The following AGPAT4 variants were observed in gnomAD, a reference collection of about 807,000 sequenced individuals.
AGPAT4 encodes the protein 1-acylglycerol-3-phosphate O-acyltransferase 4.
AGPAT4 carries 15 observed loss-of-function variants against 48.0 expected under a neutral mutation model. The ratio of observed to expected loss-of-function variants is 0.31; its 90% CI spans 0.21 to 0.48. The LOEUF is 0.48. AGPAT4 is among the 20% of genes least tolerant of loss of function. The pLI, the probability that AGPAT4 is intolerant of heterozygous loss-of-function variation, is 0.99. For synonymous variants in AGPAT4, 178 were observed against 198.7 expected (o/e 0.90, Z 0.88); for missense variants, 314 against 482.5 (o/e 0.65, Z 3.27).
chr6:161,131,510 C>T lies in AGPAT4; in HGVS notation c.*5030G>A, dbSNP rs1038332764. The T allele has an allele frequency of 2.0e-5, 3 of 152,816 alleles. No individual in the cohort carries two copies. The highest frequency in any genetic ancestry group is 4.4e-5 in the Non-Finnish European group (3 of 68,556). The allele number at this position is 152,816 out of a possible 1,614,324, so 9.5% of individuals were successfully genotyped here. On this transcript the variant is annotated 3_prime_UTR_variant, in exon 9 of 9. Coordinates refer to ENST00000320285, the MANE Select transcript of AGPAT4 (RefSeq NM_020133.3). ...GGGAAGCAGAAGCTAATTGAAATTCCATTACTCAGGCCTCTAGTAAGTGCC... is the reference window on the plus strand; with the variant it reads ...GGGAAGCAGAAGCTAATTGAAATTCTATTACTCAGGCCTCTAGTAAGTGCC...
rs944995307 is a variant in AGPAT4 at position 161,165,567 on chromosome 6, T to A, written c.348+681A>T. ...TGTACACTGTGTACACTGTGATTCC[T>A]ACGGAATACCTGAGTACCGCAGATG... On this transcript the variant is annotated intron_variant, in intron 3 of 8. Transcript: ENST00000320285. The surrounding 1 kb of genome is among the most constrained non-coding windows in gnomAD (Gnocchi z 5.5). 1 of 1,289,940 alleles carries A rather than the reference T, an allele frequency of 7.8e-7. No individual in the cohort carries two copies. The highest frequency in any genetic ancestry group is 1.0e-6 in the Non-Finnish European group (1 of 983,732). 79.9% of individuals were successfully genotyped at this position (1,289,940 alleles called of 1,614,324 possible). A position where few individuals can be genotyped will look rare whatever the true frequency, so the allele number is the denominator to read the frequency against.
rs1782267427 is a variant in AGPAT4, at chr6:161,236,180, C to T, written c.-89-3878G>A. Among the ~76,000 whole-genome samples the T allele has an allele frequency of 6.6e-6, 1 of 151,958 alleles. No homozygotes were observed. Among genetic ancestry groups the T allele is most frequent in the Non-Finnish European group, 1.5e-5 (1 of 68,026 alleles). On this transcript the variant is annotated intron_variant, in intron 1 of 8. Coordinates refer to ENST00000320285, the MANE Select transcript of AGPAT4 (RefSeq NM_020133.3). This position sits in a 1 kb window ranked among gnomAD's most constrained non-coding sequence, Gnocchi z 5.0. ...CATGAGGCAAGAATATGACAAAGAA[C>T]TTATGCTGTTTCTGAGCATATCAGA...
chr6:161,258,798 A>T (rs74298743), intron 1 of AGPAT4, among the ~76,000 whole-genome samples: 2 of 144,306 alleles, frequency 1.4e-5, no homozygotes, highest in Non-Finnish European at 3.1e-5. Context: ...CAAGCATTTA[A>T]TTTTTTTTTT....
intron 1 of AGPAT4, among the ~76,000 whole-genome samples, chr6:161,250,454 A>G (rs1782776338): frequency 1.3e-5 from 2 of 152,286 alleles, no homozygotes; most frequent in East Asian, 3.9e-4. Context: ...TAGAATATAA[A>G]TATCCTTCTC....
chr6:161,259,661 C>A lies in AGPAT4; in HGVS notation c.-90+14277G>T, dbSNP rs966477448. Among the ~76,000 whole-genome samples, 4 of 152,104 alleles carry A rather than the reference C, an allele frequency of 2.6e-5. No homozygotes were observed. Among genetic ancestry groups the A allele is most frequent in the Non-Finnish European group, 2.9e-5 (2 of 68,014 alleles). On this transcript the variant is annotated intron_variant, in intron 1 of 8. Coordinates refer to ENST00000320285, the MANE Select transcript of AGPAT4 (RefSeq NM_020133.3). This position sits in a 1 kb window ranked among gnomAD's most constrained non-coding sequence, Gnocchi z 4.9. ...TTCAACAAGGGAGAGCAGAGCCTTA[C>A]CCCAACTGTGGGGTCCCAGGTCACC...
chr6:161,220,272 T>C lies in AGPAT4; in HGVS notation c.178+11764A>G, dbSNP rs1445615396. On this transcript the variant is annotated intron_variant, in intron 2 of 8. Coordinates refer to ENST00000320285, the MANE Select transcript of AGPAT4 (RefSeq NM_020133.3). The surrounding 1 kb of genome is among the most constrained non-coding windows in gnomAD (Gnocchi z 6.0). ...TTTCTCCTAAATAAACAAAAATGTG[T>C]TGGCATGAAGGGTTCATTTTGGAAT... Among the ~76,000 whole-genome samples, 5 of 152,186 alleles carry C rather than the reference T, an allele frequency of 3.3e-5. No individual in the cohort carries two copies. Among genetic ancestry groups the C allele is most frequent in the Non-Finnish European group, 5.9e-5 (4 of 68,034 alleles).
At chr6:161,192,838 T>G (rs1397793939) in intron 2 of AGPAT4, among the ~76,000 whole-genome samples, 3 of 152,208 alleles carry the variant, frequency 2.0e-5, no homozygotes, top group Non-Finnish European at 4.4e-5. Context: ...TACGATTGCA[T>G]CATCTTCTGG....
chr6:161,154,437 A>G lies in AGPAT4; in HGVS notation c.349-127T>C. ...ACCAGACGCCTCGGGACAGTCCCAG[A>G]ACACATGCTGTCGAGGCCATGGACC... On this transcript the variant is annotated intron_variant, in intron 3 of 8. Transcript: ENST00000320285. The surrounding 1 kb of genome is among the most constrained non-coding windows in gnomAD (Gnocchi z 7.8). 2.8e-6 allele frequency: 3 copies of G among 1,078,720 alleles called. No individual in the cohort carries two copies. The South Asian group carries it at 4.7e-5, about 17-fold the overall frequency. 66.8% of individuals were successfully genotyped at this position (1,078,720 alleles called of 1,614,324 possible). A position where few individuals can be genotyped will look rare whatever the true frequency, so the allele number is the denominator to read the frequency against.
In AGPAT4 at chr6:161,235,462, A is replaced by C. The variant is rs1318370849; in HGVS notation, c.-89-3160T>G. Among the ~76,000 whole-genome samples the C allele has an allele frequency of 6.6e-6, 1 of 152,236 alleles. No individual in the cohort carries two copies. Among genetic ancestry groups the C allele is most frequent in the East Asian group, 1.9e-4 (1 of 5,198 alleles). On this transcript the variant is annotated intron_variant, in intron 1 of 8. Coordinates refer to ENST00000320285, the MANE Select transcript of AGPAT4 (RefSeq NM_020133.3). The surrounding 1 kb of genome is among the most constrained non-coding windows in gnomAD (Gnocchi z 6.2). ...TATGTAGGGGTGTGTCTGGAGGACA[A>C]ATGTGTGACATACGTCTTAAGTTCA... is the stretch of plus-strand genomic sequence containing the variant.
In AGPAT4 at chr6:161,238,675, C is replaced by A. The variant is rs1030661312; in HGVS notation, c.-89-6373G>T. Among the ~76,000 whole-genome samples, 17 of 152,174 alleles carry A rather than the reference C, an allele frequency of 1.1e-4. No homozygotes were observed. The highest frequency in any genetic ancestry group is 2.4e-4 in the Non-Finnish European group (16 of 68,034). ...GTGATAGGGTTTGGCTGTGTCTCCACCCAAATCTTACCTTGAATTGTAGTT... is the reference window on the plus strand; with the variant it reads ...GTGATAGGGTTTGGCTGTGTCTCCAACCAAATCTTACCTTGAATTGTAGTT... On this transcript the variant is annotated intron_variant, in intron 1 of 8. Transcript: ENST00000320285. The surrounding 1 kb of genome is among the most constrained non-coding windows in gnomAD (Gnocchi z 5.2).
At chr6:161,205,132 T>A (rs1781346040) in intron 2 of AGPAT4, among the ~76,000 whole-genome samples, 1 of 152,128 alleles carries the variant, frequency 6.6e-6, no homozygotes, top group African/African-American at 2.4e-5. Context: ...AAACACATCA[T>A]GATTCTCTGG....
Position 161,231,660 on chromosome 6 carries a change from A to G in AGPAT4, c.178+376T>C, listed in dbSNP as rs974053121. ...AAAAAATACGTATGTATATGTATCT[A>G]TATAGATATATACACAGAAAGACGC... On this transcript the variant is annotated intron_variant, in intron 2 of 8. Transcript: ENST00000320285. The surrounding 1 kb of genome is among the most constrained non-coding windows in gnomAD (Gnocchi z 5.3). Among the ~76,000 whole-genome samples the G allele has an allele frequency of 9.2e-5, 14 of 152,372 alleles. No individual in the cohort carries two copies. In the East Asian group the frequency reaches 1.3e-3, roughly 15 times the overall value.
In AGPAT4 at chr6:161,154,405, C is replaced by G; in HGVS notation, c.349-95G>C. On this transcript the variant is annotated intron_variant, in intron 3 of 8. Transcript: ENST00000320285. This position sits in a 1 kb window ranked among gnomAD's most constrained non-coding sequence, Gnocchi z 7.8. ...ACTGAAGTAGAAAAAGAGGAGGGGA[C>G]GTTCACACCAGACGCCTCGGGACAG... The G allele has an allele frequency of 6.9e-7, 1 of 1,449,476 alleles. No individual in the cohort carries two copies. The highest frequency in any genetic ancestry group is 9.5e-7 in the Non-Finnish European group (1 of 1,057,612). The allele number at this position is 1,449,476 out of a possible 1,614,324, so 89.8% of individuals were successfully genotyped here. A position where few individuals can be genotyped will look rare whatever the true frequency, so the allele number is the denominator to read the frequency against.
rs1782921086 is a variant in AGPAT4 at position 161,255,470 on chromosome 6, A to C, written c.-90+18468T>G. On this transcript the variant is annotated intron_variant, in intron 1 of 8. Coordinates refer to ENST00000320285, the MANE Select transcript of AGPAT4 (RefSeq NM_020133.3). The surrounding 1 kb of genome is among the most constrained non-coding windows in gnomAD (Gnocchi z 4.7). ...GATAGCCAAAGGCCGAAACAGCCCCAGTGTTCATCAACTGATGCGTGGATA... is the reference window on the plus strand; with the variant it reads ...GATAGCCAAAGGCCGAAACAGCCCCCGTGTTCATCAACTGATGCGTGGATA... Among the ~76,000 whole-genome samples the C allele has an allele frequency of 6.6e-6, 1 of 152,244 alleles. No homozygotes were observed. The highest frequency in any genetic ancestry group is 1.5e-5 in the Non-Finnish European group (1 of 68,054).
rs1452907820 is a variant in AGPAT4, at chr6:161,133,330, AAAATTTTTTT to A, written c.*3200_*3209del. The stretch of plus-strand genomic sequence containing the variant: ...TATATTAGAAAAACCCTAATGTTTT[AAAATTTTTTT>A]AATCATCAGCTGCTTTTACAAAGCT... On this transcript the variant is annotated 3_prime_UTR_variant, in exon 9 of 9. Coordinates refer to ENST00000320285, the MANE Select transcript of AGPAT4 (RefSeq NM_020133.3). The A allele has an allele frequency of 6.6e-6, 1 of 152,230 alleles. No homozygotes were observed. Among genetic ancestry groups the A allele is most frequent in the African/African-American group, 2.4e-5 (1 of 41,454 alleles). 9.4% of individuals were successfully genotyped at this position (152,230 alleles called of 1,614,324 possible).
At position 161,180,998 on chromosome 6, in the gene AGPAT4, A is replaced by T. The variant is rs1311506900; in HGVS notation, c.179-14581T>A. Among the ~76,000 whole-genome samples, 1 of 152,204 alleles carries T rather than the reference A, an allele frequency of 6.6e-6. No homozygotes were observed. The highest frequency in any genetic ancestry group is 1.5e-5 in the Non-Finnish European group (1 of 68,030). On this transcript the variant is annotated intron_variant, in intron 2 of 8. Coordinates refer to ENST00000320285, the MANE Select transcript of AGPAT4 (RefSeq NM_020133.3). This position sits in a 1 kb window ranked among gnomAD's most constrained non-coding sequence, Gnocchi z 6.4. ...GGCCTCTGCTGTCCTATCTGTAAAG[A>T]TGGAGGAGGGAAATGATGGCACCCT...
Position 161,220,767 on chromosome 6 carries a change from A to T in AGPAT4, c.178+11269T>A, listed in dbSNP as rs1781814141. 6.6e-6 allele frequency among the ~76,000 whole-genome samples: 1 copy of T among 151,970 alleles called. No individual in the cohort carries two copies. Among genetic ancestry groups the T allele is most frequent in the Non-Finnish European group, 1.5e-5 (1 of 67,978 alleles). On this transcript the variant is annotated intron_variant, in intron 2 of 8. Transcript: ENST00000320285. This position sits in a 1 kb window ranked among gnomAD's most constrained non-coding sequence, Gnocchi z 6.0. The stretch of plus-strand genomic sequence containing the variant: ...GTGCAAAGCCATTCTGAAGACTCGG[A>T]CAGCGTAGATATATTTTATTTTATT...
rs531030129 is a variant in AGPAT4, at chr6:161,222,407, T to C, written c.178+9629A>G. Among the ~76,000 whole-genome samples, 19 of 152,348 alleles carry C rather than the reference T, an allele frequency of 1.2e-4. No individual in the cohort carries two copies. Among genetic ancestry groups the C allele is most frequent in the African/African-American group, 4.3e-4 (18 of 41,570 alleles). On this transcript the variant is annotated intron_variant, in intron 2 of 8. Transcript: ENST00000320285. This position sits in a 1 kb window ranked among gnomAD's most constrained non-coding sequence, Gnocchi z 5.9. ...TAAAATCATCTCTAATTCCTAAAAA[T>C]AGCACTTTGACAACTTTACTTCCAG...
intron 2 of AGPAT4, among the ~76,000 whole-genome samples, chr6:161,176,672 A>C (rs1396944576): frequency 6.6e-6 from 1 of 152,054 alleles, no homozygotes. Flanking sequence ...TGTGAATTTG[A>C]TCCTGTCATT....
Sources: allele counts gnomAD v4.1 joint callset (sites outside exome capture counted in the v4.1 genomes callset), GRCh38; gene constraint gnomAD v4.1.1; non-coding constraint Gnocchi (gnomAD v3.1); transcripts MANE v1.5; gene names NCBI Gene and HGNC (gene_info 2026-07-23, HGNC 2026-07-21).